The following GSE1 variants were observed in gnomAD, a reference collection of about 807,000 sequenced individuals.
GSE1 encodes Gse1 coiled-coil protein.
A neutral mutation model predicts 112.6 loss-of-function variants in GSE1; 32 were observed. The ratio of observed to expected loss-of-function variants is 0.28; its 90% CI spans 0.21 to 0.38. GSE1 has a LOEUF of 0.38. Ranked by LOEUF, GSE1 falls within the 10% of genes least tolerant of loss-of-function variation. The pLI, the probability that GSE1 is intolerant of heterozygous loss-of-function variation, is 1.00. For synonymous variants in GSE1, 1,115 were observed against 735.6 expected (o/e 1.52, Z -8.35); for missense variants, 2,348 against 1,699.2 (o/e 1.38, Z -6.71).
At chr16:85,655,648 G>C in intron 5 of GSE1, 78 bp from the exon 6 acceptor site, 8 of 908,780 alleles carry the variant, frequency 8.8e-6, no homozygotes, top group Non-Finnish European at 1.4e-5. Context: ...TGTGTACCTG[G>C]CTGAGACACA....
chr16:85,485,276 C>T (rs1567527011), intron 2 of GSE1, among the ~76,000 whole-genome samples: 1 of 152,236 alleles, frequency 6.6e-6, no homozygotes, highest in Non-Finnish European at 1.5e-5. Context: ...CTGCATTTTC[C>T]CAGAGAATGG....
intron 1 of GSE1, among the ~76,000 whole-genome samples, chr16:85,175,831 G>T (rs2074452083): frequency 6.6e-6 from 1 of 152,162 alleles, no homozygotes; most frequent in Non-Finnish European, 1.5e-5. Flanking sequence ...GTTTCAGGAG[G>T]TGCCACTGTT....
chr16:85,504,313 C>T (rs2051466031), intron 2 of GSE1, among the ~76,000 whole-genome samples: 1 of 152,228 alleles, frequency 6.6e-6, no homozygotes, highest in African/African-American at 2.4e-5. Flanking sequence ...TGGACTCGTG[C>T]TGCGGGCCAC....
At chr16:85,555,069 GGA>G, upstream of GSE1, 1 of 985,402 alleles carries the variant, frequency 1.0e-6, no homozygotes, top group Non-Finnish European at 1.2e-6. Context: ...TGCGAAGCAT[GGA>G]GCTGTTGGAA....
At chr16:85,502,661 C>A (rs570314029) in intron 2 of GSE1, among the ~76,000 whole-genome samples, 1 of 152,340 alleles carries the variant, frequency 6.6e-6, no homozygotes, top group Admixed American at 6.5e-5. Flanking sequence ...GGAGAAGGAA[C>A]CCTACAGGGT....
intron 2 of GSE1, among the ~76,000 whole-genome samples, chr16:85,381,523 G>A (rs992917940): frequency 2.0e-5 from 3 of 152,210 alleles, no homozygotes; most frequent in African/African-American, 7.2e-5. Context: ...TGTTTAACAA[G>A]CACATACGTA....
At chr16:85,304,285 C>T (rs2045605830) in intron 1 of GSE1, among the ~76,000 whole-genome samples, 1 of 152,222 alleles carries the variant, frequency 6.6e-6, no homozygotes, top group Non-Finnish European at 1.5e-5. Context: ...GAGTAGACCC[C>T]TGGCATGGTG....
chr16:85,263,649 T>G (rs1907939195), intron 1 of GSE1, among the ~76,000 whole-genome samples: 1 of 151,968 alleles, frequency 6.6e-6, no homozygotes, highest in East Asian at 1.9e-4. Flanking sequence ...TTTGGCTCAC[T>G]GCAACCTCTG....
intron 1 of GSE1, among the ~76,000 whole-genome samples, chr16:85,626,250 T>G (rs2151676402): frequency 6.6e-6 from 1 of 152,176 alleles, no homozygotes; most frequent in South Asian, 2.1e-4. Flanking sequence ...GAAAAATTGC[T>G]TTGTGCCACT....
At chr16:85,418,760 C>G (rs2048760400) in intron 2 of GSE1, among the ~76,000 whole-genome samples, 1 of 152,192 alleles carries the variant, frequency 6.6e-6, no homozygotes. Context: ...AGCAGGGAGC[C>G]ACCAGAAGAC....
At chr16:85,512,818 G>T (rs1292656525) in intron 2 of GSE1, among the ~76,000 whole-genome samples, 1 of 152,094 alleles carries the variant, frequency 6.6e-6, no homozygotes, top group African/African-American at 2.4e-5. Flanking sequence ...GAGAGGGTCG[G>T]GTATAGGGGG....
intron 2 of GSE1, 112 bp downstream of exon 2, chr16:85,634,244 G>T (rs1054186541): frequency 5.4e-6 from 4 of 742,328 alleles, no homozygotes; most frequent in Non-Finnish European, 8.1e-6. Flanking sequence ...TTCCCACGCC[G>T]TGTGCTCTGC....
chr16:85,389,889 C>A (rs2047798058), intron 2 of GSE1, among the ~76,000 whole-genome samples: 1 of 152,190 alleles, frequency 6.6e-6, no homozygotes, highest in Non-Finnish European at 1.5e-5. Flanking sequence ...GGTGGGCCCA[C>A]GCTTAGCGGA....
intron 3 of GSE1, among the ~76,000 whole-genome samples, chr16:85,649,074 C>A (rs746182928): frequency 3.9e-5 from 6 of 152,192 alleles, no homozygotes; most frequent in Non-Finnish European, 5.9e-5. Context: ...AGAGGCCTCT[C>A]CTGGGTTGCC....
intron 1 of GSE1, among the ~76,000 whole-genome samples, chr16:85,625,605 A>G (rs971450228): frequency 4.6e-5 from 7 of 152,144 alleles, no homozygotes; most frequent in African/African-American, 1.7e-4. Flanking sequence ...CTTCTGCAGA[A>G]CACGGCCTCC....
At chr16:85,173,166 A>C (rs553334678) in intron 1 of GSE1, among the ~76,000 whole-genome samples, 75 of 152,342 alleles carry the variant, frequency 4.9e-4, no homozygotes, top group African/African-American at 1.7e-3. Context: ...CAAGTTTTGG[A>C]GCAAGACTGA....
chr16:85,179,881 A>G (rs1037653356), intron 1 of GSE1, among the ~76,000 whole-genome samples: 11 of 152,200 alleles, frequency 7.2e-5, no homozygotes, highest in African/African-American at 2.4e-4. Context: ...CTTGGGCAAG[A>G]TGTTCTACCC....
In GSE1 at chr16:85,383,539, CTCTCT is replaced by C. The variant is rs1567725170; in HGVS notation, c.2464+25897_2464+25901del. 2.8e-3 allele frequency among the ~76,000 whole-genome samples: 210 copies of C among 76,032 alleles called. 1 individual carries two copies. Among genetic ancestry groups the C allele is most frequent in the East Asian group, 0.02 (74 of 3,716 alleles). The allele number at this position is 76,032 out of a possible 152,430, so 49.9% of individuals were successfully genotyped here. ...CACGCACACCTGCGTCTCTCTCTCT[CTCTCT>C]CTCTCTCTCTCTCTCTCTCTCTCTC... On this transcript the variant is annotated intron_variant, in intron 2 of 2. Transcript: ENST00000637419.
At chr16:85,257,798 C>T (rs1338828580) in intron 1 of GSE1, among the ~76,000 whole-genome samples, 2 of 152,170 alleles carry the variant, frequency 1.3e-5, no homozygotes, top group Non-Finnish European at 2.9e-5. Context: ...TAGAGTGAGA[C>T]CCTGTCTCAA....
Sources: gnomAD v4.1 joint callset for allele counts (sites outside exome capture counted in the v4.1 genomes callset) on GRCh38, gnomAD v4.1.1 for gene constraint, MANE v1.5 for transcripts, NCBI Gene and HGNC (gene_info 2026-07-23, HGNC 2026-07-21) for gene names.